The following GLI3 variants were observed in gnomAD, a reference collection of about 807,000 sequenced individuals.
The protein encoded by GLI3 is GLI family zinc finger 3, also known as transcription activator GLI3.
A neutral mutation model predicts 100.8 loss-of-function variants in GLI3; 20 were observed. The ratio of observed to expected loss-of-function variants is 0.20; its 90% CI spans 0.14 to 0.29. The LOEUF (loss-of-function observed/expected upper bound fraction) is 0.29. GLI3 is among the 10% of genes least tolerant of loss of function. The probability of loss-of-function intolerance (pLI) is 1.00; values close to 1 mark genes in which losing one functional copy is unlikely to be tolerated. For missense variants in GLI3, 2,040 were observed against 2,128.5 expected, an observed-to-expected ratio of 0.96 and a Z score of 0.82; for synonymous variants, 938 against 860.5, an observed-to-expected ratio of 1.09 and a Z score of -1.58.
In GLI3 at chr7:41,963,150, T is replaced by C. The variant is rs1307155409; in HGVS notation, c.*1180A>G. On this transcript the variant is annotated 3_prime_UTR_variant, in exon 15 of 15. Transcript: ENST00000395925. ...AAACATCTTCCCTAGTGCTCTCAAA[T>C]ACTAAAAATGGCTGAAGCAATTTAT... 6.6e-6 allele frequency: 1 copy of C among 152,178 alleles called. No individual in the cohort carries two copies. The highest frequency in any genetic ancestry group is 1.5e-5 in the Non-Finnish European group (1 of 68,036). 9.4% of individuals were successfully genotyped at this position (152,178 alleles called of 1,614,324 possible).
At chr7:42,053,157 A>G (rs547203250) in intron 4 of GLI3, among the ~76,000 whole-genome samples, 1 of 152,236 alleles carries the variant, frequency 6.6e-6, no homozygotes. Context: ...CACCATGCCC[A>G]GCTAAGTTTT....
chr7:41,987,970 A>C (rs1787876669), intron 10 of GLI3, among the ~76,000 whole-genome samples: 1 of 152,228 alleles, frequency 6.6e-6, no homozygotes, highest in South Asian at 2.1e-4. Flanking sequence ...TGACCTAAAA[A>C]CTGAAGGAAA....
chr7:42,112,098 C>A (rs1785722957), intron 3 of GLI3, among the ~76,000 whole-genome samples: 1 of 152,250 alleles, frequency 6.6e-6, no homozygotes, highest in Admixed American at 6.5e-5. Flanking sequence ...GAGATTTTAC[C>A]CCACTATTCA....
chr7:42,174,597 G>T (rs1787441972), intron 2 of GLI3, among the ~76,000 whole-genome samples: 1 of 152,134 alleles, frequency 6.6e-6, no homozygotes. Flanking sequence ...GGAGTTCATG[G>T]TCGCTCTTCC....
intron 4 of GLI3, among the ~76,000 whole-genome samples, chr7:42,061,328 T>C (rs539435381): frequency 1.3e-5 from 2 of 152,288 alleles, no homozygotes; most frequent in East Asian, 3.9e-4. Flanking sequence ...ATAAAGACTT[T>C]TTCCATATTA....
At chr7:42,211,310 A>C (rs2128697342) in intron 2 of GLI3, among the ~76,000 whole-genome samples, 1 of 152,372 alleles carries the variant, frequency 6.6e-6, no homozygotes, top group African/African-American at 2.4e-5. Context: ...GTTTTTGCTA[A>C]GTAAACTCTA....
At chr7:41,967,054 C>G (rs571383524) in intron 14 of GLI3, among the ~76,000 whole-genome samples, 2 of 152,216 alleles carry the variant, frequency 1.3e-5, no homozygotes, top group African/African-American at 4.8e-5. Flanking sequence ...AGGTACTCCA[C>G]GAGTTTCACA....
At chr7:42,201,532 G>GGGCT (rs573126362) in intron 2 of GLI3, among the ~76,000 whole-genome samples, 41 of 152,128 alleles carry the variant, frequency 2.7e-4, no homozygotes, top group Non-Finnish European at 5.0e-4. Context: ...AGTCACTTTG[G>GGGCT]GGCTGTACTG....
intron 3 of GLI3, chr7:42,145,708 G>T (rs1786687628): frequency 2.5e-6 from 1 of 397,478 alleles, no homozygotes; most frequent in Non-Finnish European, 4.4e-6. Flanking sequence ...ATCACATATT[G>T]ATGATGATGA....
At chr7:42,113,361 C>T (rs2128767442) in intron 3 of GLI3, 2 of 671,024 alleles carry the variant, frequency 3.0e-6, no homozygotes, top group Admixed American at 1.9e-5. Context: ...CTGTTGTTGC[C>T]AGCATGCCCA....
intron 7 of GLI3, among the ~76,000 whole-genome samples, chr7:42,034,049 A>G (rs919236425): frequency 1.1e-4 from 17 of 152,244 alleles, no homozygotes; most frequent in African/African-American, 4.1e-4. Flanking sequence ...GCAGCCAAAT[A>G]GATATGACCT....
chr7:42,009,703 C>T (rs1283666329), intron 10 of GLI3, among the ~76,000 whole-genome samples: 2 of 152,182 alleles, frequency 1.3e-5, no homozygotes, highest in Non-Finnish European at 2.9e-5. Flanking sequence ...TCGGCGTCAT[C>T]ACTGTCCTCT....
chr7:41,987,524 A>C (rs919482996), intron 10 of GLI3, among the ~76,000 whole-genome samples: 9 of 152,160 alleles, frequency 5.9e-5, no homozygotes, highest in African/African-American at 2.2e-4. Context: ...GGCCTCAGTT[A>C]ATAACCTGGG....
chr7:42,147,135 G>A (rs1042877090), intron 3 of GLI3, among the ~76,000 whole-genome samples: 6 of 152,114 alleles, frequency 3.9e-5, no homozygotes, highest in African/African-American at 1.2e-4. Flanking sequence ...GCGGGGTAGC[G>A]GTTGCTGAGA....
At chr7:42,067,237 T>C (rs1784692926) in intron 4 of GLI3, among the ~76,000 whole-genome samples, 1 of 152,168 alleles carries the variant, frequency 6.6e-6, no homozygotes, top group Non-Finnish European at 1.5e-5. Flanking sequence ...CTGAAAACTT[T>C]CCTTAGTGTG....
chr7:42,103,979 G>A (rs1051430506), intron 3 of GLI3, among the ~76,000 whole-genome samples: 4 of 152,218 alleles, frequency 2.6e-5, no homozygotes, highest in Non-Finnish European at 4.4e-5. Context: ...TGGGTGTCAC[G>A]TGAGGGGCCA....
At position 42,223,373 on chromosome 7, in the gene GLI3, GTCATC is replaced by G; in HGVS notation, c.-42-83_-42-79del. 3.8e-6 allele frequency: 3 copies of G among 799,476 alleles called. No homozygotes were observed. In the Admixed American group the frequency reaches 6.9e-5, roughly 18 times the overall value. The allele number at this position is 799,476 out of a possible 1,614,324, so 49.5% of individuals were successfully genotyped here. On this transcript the variant is annotated intron_variant, in intron 1 of 14. Transcript: ENST00000395925. Reference sequence around the variant, plus strand: ...AAACTTTCAAAAGTCCACTTCACCTGTCATCTGAGAAAAGCCTAGAGCTTTAGGAA... The same window carrying G: ...AAACTTTCAAAAGTCCACTTCACCTGTGAGAAAAGCCTAGAGCTTTAGGAA...
rs372090493 is a variant in GLI3, at chr7:42,118,574, G to A, written c.367+29652C>T. Among the ~76,000 whole-genome samples the A allele has an allele frequency of 1.6e-4, 25 of 152,200 alleles. No individual in the cohort carries two copies. In the South Asian group the frequency reaches 3.7e-3, roughly 23 times the overall value. ...GCCCAGGGGGCCATAGTTTCTTTTC[G>A]CTCTTAAGCATCCCAAACCATCCTT... is the stretch of plus-strand genomic sequence containing the variant. On this transcript the variant is annotated intron_variant, in intron 3 of 14. Transcript: ENST00000395925.
At chr7:41,974,525 C>T (rs1264456224) in intron 12 of GLI3, among the ~76,000 whole-genome samples, 2 of 151,984 alleles carry the variant, frequency 1.3e-5, no homozygotes, top group Admixed American at 1.3e-4. Context: ...AAGTTGCATA[C>T]AACAAAATTT....
Sources: allele counts gnomAD v4.1 joint callset (sites outside exome capture counted in the v4.1 genomes callset), GRCh38; gene constraint gnomAD v4.1.1; transcripts MANE v1.5; gene names NCBI Gene and HGNC (gene_info 2026-07-23, HGNC 2026-07-21).